Variants in TEX264 observed in about 807,000 individuals in gnomAD.
TEX264 encodes the protein testis-expressed protein 264.
TEX264 carries 13 observed loss-of-function variants against 23.4 expected under a neutral mutation model. That is an observed-to-expected ratio of 0.56 (90% CI 0.36 to 0.88). TEX264 has a LOEUF of 0.88. Among genes scored for constraint, TEX264 ranks in the 40% least tolerant of loss-of-function variants. The probability of loss-of-function intolerance (pLI) is 0.01; values close to 1 mark genes in which losing one functional copy is unlikely to be tolerated. For synonymous variants in TEX264, 159 were observed against 170.0 expected (o/e 0.94, Z 0.50); for missense variants, 340 against 406.8 (o/e 0.84, Z 1.41).
intron 2 of TEX264, among the ~76,000 whole-genome samples, chr3:51,680,057 G>A (rs1702368872): frequency 2.6e-5 from 4 of 152,190 alleles, no homozygotes. Context: ...TGCAAATGAA[G>A]GGCCCTGCCT....
At chr3:51,678,427 A>G (rs1360468965) in intron 2 of TEX264, among the ~76,000 whole-genome samples, 4 of 152,060 alleles carry the variant, frequency 2.6e-5, no homozygotes, top group Non-Finnish European at 5.9e-5. Flanking sequence ...CTCTGCTGCT[A>G]TGTTTGGGGC....
At chr3:51,675,363 C>T (rs1477566112) in intron 2 of TEX264, among the ~76,000 whole-genome samples, 2 of 152,192 alleles carry the variant, frequency 1.3e-5, no homozygotes, top group African/African-American at 4.8e-5. Flanking sequence ...ACTACTAAGC[C>T]ATGCCAAACC....
chr3:51,695,845 GGGT>G (rs1297044910), intron 3 of TEX264, among the ~76,000 whole-genome samples: 1 of 152,178 alleles, frequency 6.6e-6, no homozygotes, highest in Non-Finnish European at 1.5e-5. Flanking sequence ...GTGCAGGGTG[GGGT>G]GGTGGTGGGG....
chr3:51,681,019 A>C (rs575859677), intron 2 of TEX264, among the ~76,000 whole-genome samples: 4 of 152,250 alleles, frequency 2.6e-5, no homozygotes, highest in Admixed American at 2.0e-4. Context: ...CCCAGCTTCA[A>C]CTTTGCATGG....
intron 2 of TEX264, among the ~76,000 whole-genome samples, chr3:51,674,790 G>A (rs139184927): frequency 3.5e-4 from 53 of 152,322 alleles, no homozygotes; most frequent in African/African-American, 1.2e-3. Context: ...CCTTGCCCAT[G>A]GCTACTTGTG....
chr3:51,679,167 G>A (rs1330355085), intron 2 of TEX264, among the ~76,000 whole-genome samples: 1 of 152,164 alleles, frequency 6.6e-6, no homozygotes, highest in Admixed American at 6.5e-5. Flanking sequence ...GTGACTTTAG[G>A]TGAGTCACTT....
chr3:51,680,003 AG>A (rs1702367135), intron 2 of TEX264, among the ~76,000 whole-genome samples: 1 of 152,106 alleles, frequency 6.6e-6, no homozygotes, highest in African/African-American at 2.4e-5. Flanking sequence ...TCAACCACCT[AG>A]TCATGGGCCA....
intron 3 of TEX264, among the ~76,000 whole-genome samples, chr3:51,687,421 A>G (rs1377648612): frequency 6.6e-6 from 1 of 152,212 alleles, no homozygotes. Flanking sequence ...AGGAGAGAGT[A>G]TAAGGCTCCC....
At position 51,674,367 on chromosome 3, in the gene TEX264, G is replaced by T. The variant is rs1702158175; in HGVS notation, c.63G>T (p.Leu21=). ...TGACTCTCTTACTGCTGCTGACGCTGCTGGCCTTTGCCGGGTACTCAGGGC... is the reference window on the plus strand; with the variant it reads ...TGACTCTCTTACTGCTGCTGACGCTTCTGGCCTTTGCCGGGTACTCAGGGC... ...GGLTLLLLLT[L]LAFAGYSGLL... The change falls in exon 2 of 5, where the codon CTG becomes CTT. Residue 21 remains leucine (L), a synonymous_variant. Transcript: ENST00000341333. 1 of 1,614,134 alleles carries T rather than the reference G, an allele frequency of 6.2e-7. No individual in the cohort carries two copies. Among genetic ancestry groups the T allele is most frequent in the African/African-American group, 1.3e-5 (1 of 74,932 alleles).
Position 51,674,600 on chromosome 3 carries a change from C to A in TEX264, c.258+38C>A, listed in dbSNP as rs375832604. 9.4e-5 allele frequency: 151 copies of A among 1,602,014 alleles called. 1 individual carries two copies. In the Admixed American group the frequency reaches 9.5e-4, roughly 10 times the overall value. On this transcript the variant is annotated intron_variant, in intron 2 of 4. Coordinates refer to ENST00000341333, the MANE Select transcript of TEX264 (RefSeq NM_015926.6). Reference sequence around the variant, plus strand: ...CATGGGGTTCTGCCCCATGGATGGGCCTGGTGGGCCAGGGCTTCTTTGGGG... The same window carrying A: ...CATGGGGTTCTGCCCCATGGATGGGACTGGTGGGCCAGGGCTTCTTTGGGG...
At chr3:51,678,561 G>A (rs879570158) in intron 2 of TEX264, among the ~76,000 whole-genome samples, 1 of 152,240 alleles carries the variant, frequency 6.6e-6, no homozygotes, top group Non-Finnish European at 1.5e-5. Flanking sequence ...TACCTAGGAG[G>A]TGGTGTTTGC....
chr3:51,671,477 G>C (rs545462590), intron 1 of TEX264, 189 bp downstream of exon 1: 1 of 154,808 alleles, frequency 6.5e-6, no homozygotes, highest in East Asian at 1.9e-4. Flanking sequence ...GCGACCTTGG[G>C]GCAGCCCCTA....
At chr3:51,674,698 C>A in intron 2 of TEX264, 136 bp downstream of exon 2, 1 of 1,014,978 alleles carries the variant, frequency 9.9e-7, no homozygotes, top group Non-Finnish European at 1.4e-6. Context: ...CCTCTATGAG[C>A]TTGAAGCACC....
At chr3:51,679,959 C>A (rs183402937) in intron 2 of TEX264, among the ~76,000 whole-genome samples, 10 of 152,284 alleles carry the variant, frequency 6.6e-5, no homozygotes, top group South Asian at 2.1e-4. Flanking sequence ...GCGTGTTGAC[C>A]TGTAGCACCT....
chr3:51,689,870 G>A (rs1702766703), intron 3 of TEX264, among the ~76,000 whole-genome samples: 1 of 152,212 alleles, frequency 6.6e-6, no homozygotes, highest in Admixed American at 6.5e-5. Flanking sequence ...TTGTCTTGAG[G>A]GGAGTGTGAC....
In TEX264 at chr3:51,684,631, C is replaced by A. The variant is rs1299856523; in HGVS notation, c.477C>A (p.Ile159=). The A allele has an allele frequency of 1.2e-6, 2 of 1,614,124 alleles. No individual in the cohort carries two copies. Among genetic ancestry groups the A allele is most frequent in the African/African-American group, 2.7e-5 (2 of 75,044 alleles). The change falls in exon 3 of 5, where the codon ATC becomes ATA. Residue 159 remains isoleucine (I), a synonymous_variant. Coordinates refer to ENST00000341333, the MANE Select transcript of TEX264 (RefSeq NM_015926.6). ...RRVHPALDTY[I]KERKLCAYPR... Reference sequence around the variant, plus strand: ...TCCATCCTGCCTTGGACACCTACATCAAGGTGAGGCACAGGCCTGGGGTGT... The same window carrying A: ...TCCATCCTGCCTTGGACACCTACATAAAGGTGAGGCACAGGCCTGGGGTGT...
intron 1 of TEX264, chr3:51,671,927 G>T (rs999967030): frequency 1.3e-5 from 2 of 152,256 alleles, no homozygotes; most frequent in Admixed American, 6.5e-5. Flanking sequence ...TCCATCCCGG[G>T]CCTCTGAGCG....
intron 3 of TEX264, among the ~76,000 whole-genome samples, chr3:51,695,061 AGGCAGG>A (rs1358387546): frequency 6.6e-6 from 1 of 152,246 alleles, no homozygotes; most frequent in Non-Finnish European, 1.5e-5. Context: ...TGCTGTGTGC[AGGCAGG>A]TGCATGTTGG....
At chr3:51,690,640 C>A (rs1213776594) in intron 3 of TEX264, among the ~76,000 whole-genome samples, 1 of 152,026 alleles carries the variant, frequency 6.6e-6, no homozygotes, top group African/African-American at 2.4e-5. Flanking sequence ...CTGCCTGTCA[C>A]CTTTGCCAAG....
Sources: allele counts gnomAD v4.1 joint callset (sites outside exome capture counted in the v4.1 genomes callset), GRCh38; gene constraint gnomAD v4.1.1; transcripts MANE v1.5; gene names NCBI Gene and HGNC (gene_info 2026-07-23, HGNC 2026-07-21).